The following SUCLG2 variants were observed in gnomAD, a reference collection of about 807,000 sequenced individuals.
SUCLG2 encodes the protein succinate-CoA ligase GDP-forming subunit beta.
A neutral mutation model predicts 47.9 loss-of-function variants in SUCLG2; 42 were observed. That is an observed-to-expected ratio of 0.88 (90% CI 0.69 to 1.14). The LOEUF is 1.14. Among genes scored for constraint, SUCLG2 ranks in the 50% most tolerant of loss-of-function variants. The pLI, the probability that SUCLG2 is intolerant of heterozygous loss-of-function variation, is 0.00. For synonymous variants in SUCLG2, 195 were observed against 197.3 expected (o/e 0.99, Z 0.10); for missense variants, 571 against 525.9 (o/e 1.09, Z -0.84).
At chr3:67,597,109 C>T (rs1284280844) in intron 2 of SUCLG2, among the ~76,000 whole-genome samples, 3 of 152,144 alleles carry the variant, frequency 2.0e-5, no homozygotes, top group Non-Finnish European at 4.4e-5. Flanking sequence ...AATACCAGAC[C>T]TAACCATCCC....
At chr3:67,429,436 G>T (rs899168264) in intron 9 of SUCLG2, among the ~76,000 whole-genome samples, 1 of 152,118 alleles carries the variant, frequency 6.6e-6, no homozygotes, top group Non-Finnish European at 1.5e-5. Context: ...TCTTACAAGA[G>T]CTCCTGAAGG....
In SUCLG2 at chr3:67,447,868, A is replaced by G. The variant is rs1363737709; in HGVS notation, c.1063-47017T>C. On this transcript the variant is annotated intron_variant, in intron 9 of 10. Transcript: ENST00000307227. Reference sequence around the variant, plus strand: ...CTCAGCCTCCTGAGTAGCTGGGATTATAGACATGTGCCACCATGGCCGGCT... The same window carrying G: ...CTCAGCCTCCTGAGTAGCTGGGATTGTAGACATGTGCCACCATGGCCGGCT... 2.0e-5 allele frequency among the ~76,000 whole-genome samples: 3 copies of G among 152,122 alleles called. No homozygotes were observed. In the East Asian group the frequency reaches 5.8e-4, roughly 29 times the overall value.
At chr3:67,429,062 C>A (rs1201721868) in intron 9 of SUCLG2, among the ~76,000 whole-genome samples, 1 of 152,178 alleles carries the variant, frequency 6.6e-6, no homozygotes, top group Non-Finnish European at 1.5e-5. Flanking sequence ...CCCAACCTAG[C>A]AAGGCAGGCC....
At chr3:67,487,857 G>A (rs374993784) in intron 9 of SUCLG2, among the ~76,000 whole-genome samples, 4 of 151,992 alleles carry the variant, frequency 2.6e-5, no homozygotes, top group Non-Finnish European at 5.9e-5. Flanking sequence ...AATAATCCCA[G>A]CTTTATGTAA....
At chr3:67,527,090 C>A (rs1249060011) in intron 4 of SUCLG2, among the ~76,000 whole-genome samples, 2 of 152,166 alleles carry the variant, frequency 1.3e-5, no homozygotes, top group Non-Finnish European at 2.9e-5. Flanking sequence ...ACTATGTACC[C>A]ACAAAAATTA....
intron 1 of SUCLG2, among the ~76,000 whole-genome samples, chr3:67,632,613 C>G (rs1700946410): frequency 6.6e-6 from 1 of 152,144 alleles, no homozygotes; most frequent in Non-Finnish European, 1.5e-5. Flanking sequence ...GCCCTGGCCC[C>G]ACTATGATAA....
At chr3:67,404,023 C>T (rs1193999090) in intron 9 of SUCLG2, among the ~76,000 whole-genome samples, 1 of 152,166 alleles carries the variant, frequency 6.6e-6, no homozygotes, top group African/African-American at 2.4e-5. Context: ...GTAGCTGGGA[C>T]TACAGGCAGC....
intron 9 of SUCLG2, among the ~76,000 whole-genome samples, chr3:67,483,816 C>T (rs753448437): frequency 2.0e-5 from 3 of 152,176 alleles, no homozygotes; most frequent in Non-Finnish European, 4.4e-5. Context: ...CACCCCCCTA[C>T]CTACTCAAGT....
At chr3:67,558,006 T>C (rs1262362151) in intron 2 of SUCLG2, among the ~76,000 whole-genome samples, 2 of 152,226 alleles carry the variant, frequency 1.3e-5, no homozygotes, top group Non-Finnish European at 2.9e-5. Flanking sequence ...GGTTTGTGAA[T>C]GGTGAGGAAC....
downstream of SUCLG2, among the ~76,000 whole-genome samples, chr3:67,371,359 A>G (rs1479593130): frequency 6.6e-6 from 1 of 152,222 alleles, no homozygotes; most frequent in African/African-American, 2.4e-5. Context: ...AGACTGCCAG[A>G]CCTAAACTTC....
intron 9 of SUCLG2, among the ~76,000 whole-genome samples, chr3:67,451,769 T>C (rs1265290757): frequency 6.6e-6 from 1 of 152,204 alleles, no homozygotes; most frequent in East Asian, 1.9e-4. Flanking sequence ...AAGGGATCAC[T>C]GATTTATACA....
chr3:67,561,846 CAT>C (rs1174611422), intron 2 of SUCLG2, among the ~76,000 whole-genome samples: 1 of 152,198 alleles, frequency 6.6e-6, no homozygotes, highest in African/African-American at 2.4e-5. Flanking sequence ...CAAATGCACA[CAT>C]GACACACACT....
chr3:67,466,701 T>C (rs1272916066), intron 9 of SUCLG2, among the ~76,000 whole-genome samples: 2 of 152,204 alleles, frequency 1.3e-5, no homozygotes, highest in Non-Finnish European at 2.9e-5. Context: ...TTTCTCCCTT[T>C]CGATCAAGTA....
At chr3:67,364,964 TAGAA>T (rs1701856672) in intron 10 of SUCLG2, among the ~76,000 whole-genome samples, 2 of 151,900 alleles carry the variant, frequency 1.3e-5, no homozygotes, top group Non-Finnish European at 2.9e-5. Context: ...AGAAACAGGA[TAGAA>T]AGAACCAAAT....
chr3:67,425,478 A>G (rs1703274750), intron 9 of SUCLG2, among the ~76,000 whole-genome samples: 1 of 152,176 alleles, frequency 6.6e-6, no homozygotes, highest in Non-Finnish European at 1.5e-5. Context: ...CACCCTCACC[A>G]AAGTGGGTGG....
chr3:67,616,214 A>C (rs1700625769), intron 1 of SUCLG2, among the ~76,000 whole-genome samples: 1 of 152,208 alleles, frequency 6.6e-6, no homozygotes, highest in Non-Finnish European at 1.5e-5. Flanking sequence ...ATGACTGAGA[A>C]ATAAACGTTT....
chr3:67,421,972 A>C (rs1703169404), intron 9 of SUCLG2, among the ~76,000 whole-genome samples: 1 of 152,210 alleles, frequency 6.6e-6, no homozygotes, highest in Non-Finnish European at 1.5e-5. Flanking sequence ...AAAGCAAAGA[A>C]GATTTGCACA....
chr3:67,524,989 A>C (rs915407943), intron 4 of SUCLG2, among the ~76,000 whole-genome samples: 1 of 152,318 alleles, frequency 6.6e-6, no homozygotes, highest in South Asian at 2.1e-4. Flanking sequence ...CCAATTAACA[A>C]TGAGCATGTT....
intron 1 of SUCLG2, among the ~76,000 whole-genome samples, chr3:67,628,825 C>T (rs148557945): frequency 1.1e-3 from 161 of 152,228 alleles, no homozygotes; most frequent in African/African-American, 3.3e-3. Context: ...TACCCAGTCT[C>T]GGATATCTCT....
Sources: gnomAD v4.1 joint callset for allele counts (sites outside exome capture counted in the v4.1 genomes callset) on GRCh38, gnomAD v4.1.1 for gene constraint, MANE v1.5 for transcripts, NCBI Gene and HGNC (gene_info 2026-07-23, HGNC 2026-07-21) for gene names.